The following CNTNAP4 variants were observed in gnomAD, a reference collection of about 807,000 sequenced individuals.
CNTNAP4 encodes contactin-associated protein-like 4.
CNTNAP4 carries 98 observed loss-of-function variants against 148.4 expected under a neutral mutation model. That is an observed-to-expected ratio of 0.66 (90% CI 0.56 to 0.78). CNTNAP4 has a LOEUF of 0.78. Among genes scored for constraint, CNTNAP4 ranks in the 30% least tolerant of loss-of-function variants. The pLI is 0.00. For synonymous variants in CNTNAP4, 730 were observed against 565.1 expected (o/e 1.29, Z -4.14); for missense variants, 1,935 against 1,565.6 (o/e 1.24, Z -3.98).
At position 76,349,222 on chromosome 16, in the gene CNTNAP4, C is replaced by T. The variant is rs1965171140; in HGVS notation, c.197-6096C>T. Among the ~76,000 whole-genome samples the T allele has an allele frequency of 2.6e-5, 4 of 152,102 alleles. No homozygotes were observed. In the South Asian group the frequency reaches 8.3e-4, roughly 31 times the overall value. On this transcript the variant is annotated intron_variant, in intron 2 of 23. Coordinates refer to ENST00000611870, the MANE Select transcript of CNTNAP4 (RefSeq NM_033401.5). ...AACAATACCTCCTACAGCTTGATGC[C>T]TGTATCTTATCTTCTCAGCATTAAT...
chr16:76,349,011 T>A (rs1482473325), intron 2 of CNTNAP4, among the ~76,000 whole-genome samples: 1 of 152,062 alleles, frequency 6.6e-6, no homozygotes, highest in East Asian at 1.9e-4. Flanking sequence ...GCTAAAGCGG[T>A]GACCGTGAGA....
Position 76,392,030 on chromosome 16 carries a change from G to A in CNTNAP4, c.391-35422G>A, listed in dbSNP as rs758631252. 4.6e-5 allele frequency among the ~76,000 whole-genome samples: 7 copies of A among 151,988 alleles called. 1 individual carries two copies. Among genetic ancestry groups the A allele is most frequent in the Middle Eastern group, 6.3e-3 (2 of 316 alleles). ...TTTTGAGACAGAGTCTCCCTCTGTC[G>A]CCCAGGCTGGAGTGAAGTGGCACAA... On this transcript the variant is annotated intron_variant, in intron 3 of 23. Coordinates refer to ENST00000611870, the MANE Select transcript of CNTNAP4 (RefSeq NM_033401.5).
At chr16:76,300,754 G>C (rs1959873733) in intron 1 of CNTNAP4, among the ~76,000 whole-genome samples, 1 of 151,960 alleles carries the variant, frequency 6.6e-6, no homozygotes. Flanking sequence ...TCTCTAGAGG[G>C]CTCCAGTCAA....
intron 3 of CNTNAP4, among the ~76,000 whole-genome samples, chr16:76,392,453 G>A (rs2078057796): frequency 6.6e-6 from 1 of 152,068 alleles, no homozygotes; most frequent in Non-Finnish European, 1.5e-5. Context: ...ATAGCTACTA[G>A]AGAAATAAGG....
chr16:76,355,337 A>C lies in CNTNAP4; in HGVS notation c.216A>C (p.Pro72=), dbSNP rs371784566. 6.3e-7 allele frequency: 1 copy of C among 1,581,278 alleles called. No homozygotes were observed. The highest frequency in any genetic ancestry group is 1.8e-5 in the Admixed American group (1 of 55,026). The change falls in exon 3 of 24, where the codon CCA becomes CCC. Residue 72 remains proline, a synonymous_variant. Coordinates refer to ENST00000611870, the MANE Select transcript of CNTNAP4 (RefSeq NM_033401.5). ...NRRDGAGGWS[P]LVSNKYQWLQ... The stretch of plus-strand genomic sequence containing the variant: ...TAAAAGGAGCTGGTGGCTGGTCTCC[A>C]CTTGTGTCTAACAAATACCAGTGGT...
chr16:76,396,189 A>G (rs1258811696), intron 3 of CNTNAP4, among the ~76,000 whole-genome samples: 1 of 152,246 alleles, frequency 6.6e-6, no homozygotes, highest in South Asian at 2.1e-4. Flanking sequence ...AGGCGTTTAT[A>G]TAGCTAAAAA....
chr16:76,447,989 C>T lies in CNTNAP4; in HGVS notation c.539-23C>T, dbSNP rs764176578. The T allele has an allele frequency of 5.2e-6, 8 of 1,526,216 alleles. No individual in the cohort carries two copies. The Admixed American group carries it at 1.2e-4, about 23-fold the overall frequency. The allele number at this position is 1,526,216 out of a possible 1,614,324, so 94.5% of individuals were successfully genotyped here. ...GGAAAAGATATTTATCCTTAGAATG[C>T]CTTCTACTATCTTTGTTTCTAGGAT... is the stretch of plus-strand genomic sequence containing the variant. On this transcript the variant is annotated intron_variant, in intron 4 of 23. Coordinates refer to ENST00000611870, the MANE Select transcript of CNTNAP4 (RefSeq NM_033401.5).
At chr16:76,326,763 C>A (rs1261882451) in intron 2 of CNTNAP4, among the ~76,000 whole-genome samples, 4 of 141,242 alleles carry the variant, frequency 2.8e-5, no homozygotes. Context: ...AACACTTGGA[C>A]ACAGGAAGGG....
In CNTNAP4 at chr16:76,508,733, G is replaced by T. The variant is rs187384457; in HGVS notation, c.2365+10039G>T. Among the ~76,000 whole-genome samples, 17 of 88,356 alleles carry T rather than the reference G, an allele frequency of 1.9e-4. 8 individuals are homozygous for T. The highest frequency in any genetic ancestry group is 0.02 in the Middle Eastern group (2 of 100). 58.0% of individuals were successfully genotyped at this position (88,356 alleles called of 152,430 possible). ...TTAATTGTCTTAAATATTAATGACT[G>T]ACTTGATACAAAATCATAACTTTTT... is the stretch of plus-strand genomic sequence containing the variant. On this transcript the variant is annotated intron_variant, in intron 15 of 23. Coordinates refer to ENST00000611870, the MANE Select transcript of CNTNAP4 (RefSeq NM_033401.5).
chr16:76,460,773 A>AAAAAAATATATATATATAT, intron 8 of CNTNAP4, among the ~76,000 whole-genome samples: 2 of 57,296 alleles, frequency 3.5e-5, no homozygotes, highest in African/African-American at 6.4e-5. Context: ...AAAAAAAAAA[A>AAAAAAATATATATATATAT]ATATATATAT....
intron 11 of CNTNAP4, among the ~76,000 whole-genome samples, chr16:76,477,174 G>A (rs2081615572): frequency 6.6e-6 from 1 of 152,080 alleles, no homozygotes; most frequent in Non-Finnish European, 1.5e-5. Context: ...TAGAGCCTGG[G>A]ATAACAACCA....
At chr16:76,278,949 T>C (rs1460003457) in intron 1 of CNTNAP4, among the ~76,000 whole-genome samples, 1 of 152,234 alleles carries the variant, frequency 6.6e-6, no homozygotes, top group Non-Finnish European at 1.5e-5. Context: ...TCCATCACTC[T>C]GAAAGAAGGA....
chr16:76,521,920 A>G (rs2083468074), intron 16 of CNTNAP4, 119 bp from the exon 17 acceptor site: 3 of 883,748 alleles, frequency 3.4e-6, no homozygotes, highest in Admixed American at 1.8e-5. Context: ...GAAACCATCT[A>G]TGTTCGTTAT....
At chr16:76,352,405 T>C (rs2011931206) in intron 2 of CNTNAP4, among the ~76,000 whole-genome samples, 1 of 152,162 alleles carries the variant, frequency 6.6e-6, no homozygotes, top group Non-Finnish European at 1.5e-5. Flanking sequence ...AGCTTAATCC[T>C]GAGCTTCCCT....
chr16:76,323,536 T>C (rs1259235238), intron 2 of CNTNAP4, among the ~76,000 whole-genome samples: 1 of 152,146 alleles, frequency 6.6e-6, no homozygotes, highest in East Asian at 1.9e-4. Context: ...ATTAAAGTAG[T>C]GGAGAGTTTG....
chr16:76,460,801 A>G (rs1342628499), intron 8 of CNTNAP4, among the ~76,000 whole-genome samples: 10 of 121,996 alleles, frequency 8.2e-5, no homozygotes, highest in Non-Finnish European at 1.7e-4. Context: ...TATATTTAGA[A>G]TTGTATATAA....
intron 8 of CNTNAP4, among the ~76,000 whole-genome samples, chr16:76,455,784 A>G (rs938221615): frequency 6.6e-6 from 1 of 152,110 alleles, no homozygotes; most frequent in East Asian, 1.9e-4. Context: ...CTGAACTCCT[A>G]CCCTATATGG....
At chr16:76,358,873 T>C (rs2013048680) in intron 3 of CNTNAP4, among the ~76,000 whole-genome samples, 1 of 151,986 alleles carries the variant, frequency 6.6e-6, no homozygotes, top group African/African-American at 2.4e-5. Flanking sequence ...TATGTGTATA[T>C]GTATGTGTGT....
At chr16:76,426,246 A>G (rs929899504) in intron 3 of CNTNAP4, among the ~76,000 whole-genome samples, 3 of 152,174 alleles carry the variant, frequency 2.0e-5, no homozygotes, top group African/African-American at 2.4e-5. Flanking sequence ...AAATGATAGT[A>G]AGGGAATATT....
Sources: gnomAD v4.1 joint callset for allele counts (sites outside exome capture counted in the v4.1 genomes callset) on GRCh38, gnomAD v4.1.1 for gene constraint, MANE v1.5 for transcripts, NCBI Gene and HGNC (gene_info 2026-07-23, HGNC 2026-07-21) for gene names.